The following ABCA13 variants were observed in gnomAD, a reference collection of about 807,000 sequenced individuals.
The protein encoded by ABCA13 is ATP-binding cassette sub-family A member 13.
Under a neutral mutation model 478.7 loss-of-function variants are expected in ABCA13, and 476 were observed. The ratio of observed to expected loss-of-function variants is 0.99; its 90% confidence interval spans 0.92 to 1.07. The LOEUF is 1.07. Ranked by LOEUF, ABCA13 falls within the 50% of genes least tolerant of loss-of-function variation. The probability of loss-of-function intolerance (pLI) is 0.00; values close to 1 mark genes in which losing one functional copy is unlikely to be tolerated. For synonymous variants in ABCA13, 2,252 were observed against 2,158.9 expected (o/e 1.04, Z -1.20); for missense variants, 6,060 against 5,910.6 (o/e 1.03, Z -0.83).
chr7:48,397,053 T>A (rs1383870925), intron 38 of ABCA13, among the ~76,000 whole-genome samples: 1 of 152,238 alleles, frequency 6.6e-6, no homozygotes, highest in East Asian at 1.9e-4. Flanking sequence ...ATTTGAATTA[T>A]TTTAAATTTG....
Position 48,198,360 on chromosome 7 carries a change from G to A in ABCA13, c.287G>A (p.Arg96His), listed in dbSNP as rs751688393. The change falls in exon 3 of 62, where the codon CGT (arginine) becomes CAT (histidine). Residue 96 changes from arginine (R) to histidine (H), a missense_variant and splice_region_variant. By Grantham distance (29) the Arg-to-His change is conservative. Transcript: ENST00000435803. ...SYEGSMEHHF[R>H]LSRFQTAADP... ...GAAGGGTCAATGGAGCATCATTTTC[G>A]GTAAGAGAAACACAAAGATCTTTTT... The A allele has an allele frequency of 5.0e-6, 8 of 1,612,974 alleles. No homozygotes were observed. In the East Asian group the frequency reaches 8.9e-5, roughly 18 times the overall value.
intron 55 of ABCA13, among the ~76,000 whole-genome samples, chr7:48,538,017 T>C (rs56213942): frequency 0.14 from 21,122 of 151,928 alleles, 1,864 homozygotes; most frequent in African/African-American, 0.23. Flanking sequence ...ATGACATATA[T>C]GATTTTAATA....
intron 51 of ABCA13, among the ~76,000 whole-genome samples, chr7:48,514,138 A>G (rs1440510573): frequency 4.6e-5 from 7 of 152,192 alleles, no homozygotes; most frequent in Admixed American, 4.6e-4. Flanking sequence ...TGCAGACTCC[A>G]CAGCAAGACC....
At chr7:48,212,852 T>A (rs1255538812) in intron 3 of ABCA13, among the ~76,000 whole-genome samples, 2 of 152,184 alleles carry the variant, frequency 1.3e-5, no homozygotes, top group East Asian at 3.8e-4. Flanking sequence ...TGTATACATA[T>A]TATACATGTA....
chr7:48,577,261 AAAT>A (rs147391610), intron 55 of ABCA13, among the ~76,000 whole-genome samples: 20,288 of 151,946 alleles, frequency 0.13, 1,669 homozygotes, highest in African/African-American at 0.21. Flanking sequence ...ATAAAAAGGA[AAAT>A]AATAAAGAAA....
chr7:48,251,056 CA>C (rs1201156042), intron 15 of ABCA13, among the ~76,000 whole-genome samples: 1 of 152,180 alleles, frequency 6.6e-6, no homozygotes, highest in Non-Finnish European at 1.5e-5. Context: ...CTCTCAGTAT[CA>C]AATCCACATA....
At chr7:48,509,389 A>G (rs1439050082) in intron 50 of ABCA13, among the ~76,000 whole-genome samples, 1 of 152,216 alleles carries the variant, frequency 6.6e-6, no homozygotes, top group African/African-American at 2.4e-5. Context: ...AAGGGCCACA[A>G]CTTTCCCAGA....
Position 48,275,451 on chromosome 7 carries a change from C to T in ABCA13, c.5785C>T (p.Pro1929Ser), listed in dbSNP as rs766342460. Residue 1929 changes from proline (P) to serine (S), a missense_variant, in exon 17 of 62, where the codon CCA becomes TCA. Physicochemically the swap from Pro to Ser is moderately conservative, Grantham distance 74. Coordinates refer to ENST00000435803, the MANE Select transcript of ABCA13 (RefSeq NM_152701.5). ...TTGGCATAAGATATTACCGTTTGTC[C>T]CACCTTCAATAAATCAAACTAGGGA... is the stretch of plus-strand genomic sequence containing the variant. ...KFWHKILPFV[P>S]PSINQTRDSI... The T allele has an allele frequency of 2.5e-6, 4 of 1,613,716 alleles. No homozygotes were observed. The highest frequency in any genetic ancestry group is 3.4e-6 in the Non-Finnish European group (4 of 1,179,872).
chr7:48,623,302 C>T (rs1012224883), intron 59 of ABCA13, among the ~76,000 whole-genome samples: 2 of 152,202 alleles, frequency 1.3e-5, no homozygotes, highest in Non-Finnish European at 2.9e-5. Flanking sequence ...GATGGGCTCT[C>T]ACAAAGTTTT....
At chr7:48,271,626 C>T (rs962121010) in intron 16 of ABCA13, among the ~76,000 whole-genome samples, 161 bp from the exon 17 acceptor site, 16 of 152,064 alleles carry the variant, frequency 1.1e-4, no homozygotes, top group Non-Finnish European at 1.8e-4. Flanking sequence ...TTCTAAAACA[C>T]TTTCAAATCC....
At chr7:48,552,266 T>G (rs1014664275) in intron 55 of ABCA13, among the ~76,000 whole-genome samples, 1 of 151,918 alleles carries the variant, frequency 6.6e-6, no homozygotes, top group Non-Finnish European at 1.5e-5. Context: ...TCTTGCATTC[T>G]TCTGGAAATA....
At chr7:48,458,835 T>C (rs979014330) in intron 43 of ABCA13, among the ~76,000 whole-genome samples, 3 of 152,120 alleles carry the variant, frequency 2.0e-5, no homozygotes, top group Non-Finnish European at 4.4e-5. Flanking sequence ...ACTCACATGC[T>C]TTGGTGGCCA....
intron 55 of ABCA13, among the ~76,000 whole-genome samples, chr7:48,567,322 G>A (rs1056966460): frequency 6.6e-6 from 1 of 152,108 alleles, no homozygotes; most frequent in Non-Finnish European, 1.5e-5. Context: ...TATGGGCCTT[G>A]GGCAGTGCAG....
chr7:48,471,669 C>G (rs1827514639), intron 45 of ABCA13, 70 bp downstream of exon 45: 2 of 1,377,106 alleles, frequency 1.5e-6, no homozygotes, highest in Non-Finnish European at 2.0e-6. Flanking sequence ...TTTACCCTAT[C>G]TATAAAATTT....
chr7:48,356,282 G>A (rs945400179), intron 31 of ABCA13, among the ~76,000 whole-genome samples: 2 of 151,944 alleles, frequency 1.3e-5, no homozygotes, highest in Non-Finnish European at 2.9e-5. Flanking sequence ...CCAAATTAGA[G>A]TGGACAGAAT....
At chr7:48,576,215 A>G (rs1163968944) in intron 55 of ABCA13, among the ~76,000 whole-genome samples, 1 of 149,862 alleles carries the variant, frequency 6.7e-6, no homozygotes, top group Non-Finnish European at 1.5e-5. Context: ...GATATAGAAA[A>G]ACGACTGTAC....
At chr7:48,436,127 T>G (rs1822798684) in intron 42 of ABCA13, among the ~76,000 whole-genome samples, 1 of 151,746 alleles carries the variant, frequency 6.6e-6, no homozygotes, top group South Asian at 2.1e-4. Context: ...TGGTAGAATT[T>G]ACCAGTGAAG....
intron 42 of ABCA13, among the ~76,000 whole-genome samples, chr7:48,451,407 T>G (rs1825017339): frequency 6.6e-6 from 1 of 152,176 alleles, no homozygotes; most frequent in Non-Finnish European, 1.5e-5. Flanking sequence ...TGTATTTGTC[T>G]CCAACAGAAA....
chr7:48,434,392 G>A (rs2163939), intron 42 of ABCA13, among the ~76,000 whole-genome samples: 1 of 151,580 alleles, frequency 6.6e-6, no homozygotes, highest in Admixed American at 6.6e-5. Context: ...GTAGAAGTTC[G>A]TTGTTTTCTG....
Sources: gnomAD v4.1 joint callset for allele counts (sites outside exome capture counted in the v4.1 genomes callset) on GRCh38, gnomAD v4.1.1 for gene constraint, MANE v1.5 for transcripts, NCBI Gene and HGNC (gene_info 2026-07-23, HGNC 2026-07-21) for gene names.